PIR: variants seen among roughly 807,000 people sequenced by gnomAD.
PIR encodes pirin (iron-binding nuclear protein).
PIR carries 22 observed loss-of-function variants against 24.2 expected under a neutral mutation model. The observed-to-expected ratio is 0.91, with a 90% CI of 0.65 to 1.30. PIR has a LOEUF of 1.30. Ranked by LOEUF, PIR falls within the 50% of genes most tolerant of loss-of-function variation. The pLI, the probability that PIR is intolerant of heterozygous loss-of-function variation, is 0.00. For synonymous variants in PIR, 80 were observed against 79.6 expected (o/e 1.00, Z -0.03); for missense variants, 220 against 220.3 (o/e 1.00, Z 0.01).
chrX:15,467,010 G>A (rs1456999989), intron 3 of PIR, among the ~76,000 whole-genome samples: 1 of 112,568 alleles, frequency 8.9e-6, no homozygotes, highest in Non-Finnish European at 1.9e-5. Context: ...TAAGCCCCAT[G>A]AAGGCAGGGA....
At chrX:15,420,588 C>T (rs1015706508) in intron 6 of PIR, among the ~76,000 whole-genome samples, 8 of 111,850 alleles carry the variant, frequency 7.2e-5, no homozygotes, top group African/African-American at 2.6e-4. Flanking sequence ...GACCAGTTTG[C>T]TGTAGCCAAG....
intron 3 of PIR, 94 bp downstream of exon 3, chrX:15,479,635 C>T: frequency 2.6e-6 from 1 of 381,760 alleles, no homozygotes; most frequent in Non-Finnish European, 4.5e-6. Flanking sequence ...GAATTTTTAG[C>T]CTATTATTTA....
chrX:15,398,494 A>T (rs1171711454), intron 7 of PIR, among the ~76,000 whole-genome samples: 1 of 111,263 alleles, frequency 9.0e-6, no homozygotes, highest in African/African-American at 3.3e-5. Flanking sequence ...AAACCACAAG[A>T]GGGAAATCTG....
chrX:15,456,003 C>T lies in PIR; in HGVS notation c.325G>A (p.Glu109Lys). ...CACAGTTGTAGGCCATGGGCTGGCTCCTCTGAGCAAGGCATCTCAGCGTGC... is the reference window on the plus strand; with the variant it reads ...CACAGTTGTAGGCCATGGGCTGGCTTCTCTGAGCAAGGCATCTCAGCGTGC... ...ILHAEMPCSE[E>K]PAHGLQLWVN... Residue 109 changes from glutamate (E) to lysine (K), a missense_variant, in exon 5 of 10, where the codon GAG becomes AAG. By Grantham distance (56) the Glu-to-Lys change is moderately conservative. Coordinates refer to ENST00000380420, the MANE Select transcript of PIR (RefSeq NM_001018109.3). The T allele has an allele frequency of 2.5e-6, 3 of 1,211,743 alleles. No individual in the cohort carries two copies. Among genetic ancestry groups the T allele is most frequent in the Non-Finnish European group, 3.4e-6 (3 of 895,339 alleles).
At chrX:15,427,782 C>T (rs1361649787) in intron 5 of PIR, among the ~76,000 whole-genome samples, 1 of 109,115 alleles carries the variant, frequency 9.2e-6, no homozygotes, top group Non-Finnish European at 1.9e-5. Context: ...TATTACTATA[C>T]ATGGGATTTT....
chrX:15,492,951 C>T (rs2094), intron 1 of PIR, among the ~76,000 whole-genome samples: 55,803 of 110,955 alleles, frequency 0.5, 11,106 homozygotes, highest in African/African-American at 0.76. Flanking sequence ...ATGTCTGGGT[C>T]CTTCCAGACT....
intron 8 of PIR, 38 bp downstream of exon 8, chrX:15,397,411 T>C (rs770522772): frequency 2.2e-5 from 21 of 952,824 alleles, no homozygotes; most frequent in African/African-American, 9.5e-5. Flanking sequence ...CAGTAGAAAG[T>C]ACATGTTAAG....
intron 3 of PIR, among the ~76,000 whole-genome samples, chrX:15,470,510 T>A (rs1232357758): frequency 9.9e-5 from 11 of 111,573 alleles, no homozygotes; most frequent in Admixed American, 1.9e-4. Context: ...TATTTTATAT[T>A]TGGTGATATA....
chrX:15,463,342 C>A lies in PIR; in HGVS notation c.190-3602G>T, dbSNP rs1166831947. On this transcript the variant is annotated intron_variant, in intron 3 of 9. Transcript: ENST00000380420. ...GGAGAACAAGTTATTATTTATTATG[C>A]CTCCTAATACCTAAACTAAAAGCAA... is the stretch of plus-strand genomic sequence containing the variant. Among the ~76,000 whole-genome samples the A allele has an allele frequency of 2.7e-5, 3 of 111,987 alleles. No homozygotes were observed. In the Admixed American group the frequency reaches 2.8e-4, roughly 11 times the overall value.
At chrX:15,450,139 C>T (rs1212013208) in intron 5 of PIR, among the ~76,000 whole-genome samples, 4 of 111,961 alleles carry the variant, frequency 3.6e-5, no homozygotes, top group African/African-American at 9.7e-5. Flanking sequence ...ATCCCTGCTA[C>T]CCTCACCCCA....
chrX:15,470,791 C>CG (rs1420608554), intron 3 of PIR, among the ~76,000 whole-genome samples: 1 of 109,779 alleles, frequency 9.1e-6, no homozygotes, highest in Non-Finnish European at 1.9e-5. Context: ...TCAGTAGAGA[C>CG]GGGGTTTCAC....
intron 5 of PIR, among the ~76,000 whole-genome samples, chrX:15,432,551 G>A (rs1395280123): frequency 8.9e-6 from 1 of 112,228 alleles, no homozygotes; most frequent in African/African-American, 3.2e-5. Flanking sequence ...AGAGCTTGAA[G>A]TATTCAGAAA....
At chrX:15,486,699 G>A (rs1309310214) in intron 2 of PIR, among the ~76,000 whole-genome samples, 1 of 111,511 alleles carries the variant, frequency 9.0e-6, no homozygotes, top group Non-Finnish European at 1.9e-5. Flanking sequence ...CTTTGCCAGA[G>A]GGTAAATGGT....
intron 6 of PIR, among the ~76,000 whole-genome samples, chrX:15,417,643 A>G (rs942443616): frequency 8.9e-6 from 1 of 111,897 alleles, no homozygotes; most frequent in Non-Finnish European, 1.9e-5. Context: ...TCATAGGTCT[A>G]AAATCAAGCA....
intron 3 of PIR, among the ~76,000 whole-genome samples, chrX:15,464,630 G>A (rs1000791529): frequency 8.9e-6 from 1 of 111,911 alleles, no homozygotes; most frequent in Non-Finnish European, 1.9e-5. Flanking sequence ...TATAGAGAGC[G>A]CTTATGTCAG....
At chrX:15,406,529 C>G (rs1924554807) in intron 7 of PIR, among the ~76,000 whole-genome samples, 1 of 111,785 alleles carries the variant, frequency 8.9e-6, no homozygotes, top group African/African-American at 3.3e-5. Context: ...TACTTTCATG[C>G]TGCCCTGATT....
At chrX:15,475,154 A>C (rs1476780496) in intron 3 of PIR, among the ~76,000 whole-genome samples, 1 of 109,992 alleles carries the variant, frequency 9.1e-6, no homozygotes, top group African/African-American at 3.3e-5. Flanking sequence ...TCGGGTCATA[A>C]GTTTTAGGTG....
intron 5 of PIR, among the ~76,000 whole-genome samples, chrX:15,447,402 C>T (rs2147052390): frequency 9.0e-6 from 1 of 110,839 alleles, no homozygotes. Context: ...GCAAGCTCCG[C>T]CTCGCGGGTT....
At chrX:15,414,690 G>A (rs1453031959) in intron 6 of PIR, among the ~76,000 whole-genome samples, 1 of 111,546 alleles carries the variant, frequency 9.0e-6, no homozygotes, top group Non-Finnish European at 1.9e-5. Flanking sequence ...TTAAGAGAAA[G>A]AGGCCTTTTT....
Sources: allele counts gnomAD v4.1 joint callset (sites outside exome capture counted in the v4.1 genomes callset), GRCh38; gene constraint gnomAD v4.1.1; transcripts MANE v1.5; gene names NCBI Gene and HGNC (gene_info 2026-07-23, HGNC 2026-07-21).